The following NEK1 variants were observed in gnomAD, a reference collection of about 807,000 sequenced individuals.
The protein encoded by NEK1 is serine/threonine-protein kinase Nek1.
In NEK1, 137 loss-of-function variants were observed where a neutral mutation model predicts 182.1. The ratio of observed to expected loss-of-function variants is 0.75; its 90% CI spans 0.65 to 0.87. The LOEUF (loss-of-function observed/expected upper bound fraction) is 0.87. NEK1 is among the 40% of genes least tolerant of loss of function. The pLI is 0.00. For missense variants in NEK1, 1,391 were observed against 1,494.4 expected, an observed-to-expected ratio of 0.93 and a Z score of 1.14; for synonymous variants, 513 against 492.2, an observed-to-expected ratio of 1.04 and a Z score of -0.56.
intron 27 of NEK1, among the ~76,000 whole-genome samples, chr4:169,454,856 G>A (rs1480844699): frequency 6.6e-6 from 1 of 152,128 alleles, no homozygotes; most frequent in African/African-American, 2.4e-5. Flanking sequence ...TATAAATCAT[G>A]CTCCTTTAAG....
chr4:169,546,038 C>A (rs1760375583), intron 18 of NEK1, among the ~76,000 whole-genome samples: 1 of 152,006 alleles, frequency 6.6e-6, no homozygotes, highest in South Asian at 2.1e-4. Context: ...ATCAAGCTAC[C>A]AATGACTTTC....
Position 169,456,078 on chromosome 4 carries a change from A to G in NEK1, c.2587+7165T>C, listed in dbSNP as rs921148488. On this transcript the variant is annotated intron_variant, in intron 27 of 35. Transcript: ENST00000507142. ...CAAGAGGAATTTTTGGAAACTATAC[A>G]AACACATGGAAATTAAACAATATGC... is the stretch of plus-strand genomic sequence containing the variant. 2.6e-5 allele frequency among the ~76,000 whole-genome samples: 4 copies of G among 152,306 alleles called. No individual in the cohort carries two copies. The East Asian group carries it at 7.7e-4, about 29-fold the overall frequency.
chr4:169,600,254 A>G (rs1161543023), intron 4 of NEK1, among the ~76,000 whole-genome samples: 1 of 151,976 alleles, frequency 6.6e-6, no homozygotes, highest in Admixed American at 6.6e-5. Flanking sequence ...CAATGGCACG[A>G]TGATGGCTCA....
chr4:169,545,228 A>G (rs1408445454), intron 18 of NEK1, among the ~76,000 whole-genome samples: 83 of 105,112 alleles, frequency 7.9e-4, no homozygotes, highest in Non-Finnish European at 1.2e-3. Context: ...CACAGTCCCC[A>G]GAGTGTGGTA....
intron 19 of NEK1, among the ~76,000 whole-genome samples, chr4:169,514,427 T>A (rs139282389): frequency 6.6e-6 from 1 of 152,194 alleles, no homozygotes; most frequent in Admixed American, 6.5e-5. Context: ...TGGGAACAGA[T>A]TGTAGTGTTG....
In NEK1 at chr4:169,435,844, G is replaced by A. The variant is rs577721972; in HGVS notation, c.2765-2179C>T. Among the ~76,000 whole-genome samples the A allele has an allele frequency of 2.0e-5, 3 of 152,214 alleles. No individual in the cohort carries two copies. The South Asian group carries it at 6.2e-4, about 32-fold the overall frequency. On this transcript the variant is annotated intron_variant, in intron 28 of 35. Transcript: ENST00000507142. ...ATACCACTGAGCAATACCAGTTGAT[G>A]CTACATGGAGCAGAAGAACCTCCAA...
At position 169,433,553 on chromosome 4, in the gene NEK1, C is replaced by T; in HGVS notation, c.2877G>A (p.Lys959=). The T allele has an allele frequency of 6.2e-7, 1 of 1,607,730 alleles. No homozygotes were observed. Among genetic ancestry groups the T allele is most frequent in the Non-Finnish European group, 8.5e-7 (1 of 1,178,014 alleles). The change falls in exon 29 of 36, where the codon AAG becomes AAA. Residue 959 remains lysine, a synonymous_variant. Coordinates refer to ENST00000507142, the MANE Select transcript of NEK1 (RefSeq NM_001199397.3). ...GGAAAAGATGTACATACTGAGTTTCCTTTGTTTCTTTTTCCTCACTAATCC... is the reference window on the plus strand; with the variant it reads ...GGAAAAGATGTACATACTGAGTTTCTTTTGTTTCTTTTTCCTCACTAATCC... ...DVWISEEKET[K]ETQSADRITI...
intron 29 of NEK1, among the ~76,000 whole-genome samples, chr4:169,430,395 C>G (rs1487645297): frequency 1.3e-5 from 2 of 152,114 alleles, no homozygotes; most frequent in Non-Finnish European, 2.9e-5. Context: ...ATGTTGGCCA[C>G]ACTGGTCTCG....
chr4:169,562,402 A>G (rs1763053877), intron 12 of NEK1, among the ~76,000 whole-genome samples: 1 of 152,106 alleles, frequency 6.6e-6, no homozygotes, highest in South Asian at 2.1e-4. Flanking sequence ...GAAACTGTGG[A>G]AAAGGGTCCT....
chr4:169,400,144 T>C (rs1199359764), intron 35 of NEK1, 81 bp downstream of exon 35: 7 of 1,307,900 alleles, frequency 5.4e-6, no homozygotes, highest in African/African-American at 4.4e-5. Context: ...ATGGATGTGA[T>C]GTAAGCTGAT....
At chr4:169,426,290 A>G in intron 29 of NEK1, 56 bp from the exon 30 acceptor site, 1 of 1,402,240 alleles carries the variant, frequency 7.1e-7, no homozygotes, top group Non-Finnish European at 1.0e-6. Flanking sequence ...ACCAGAAATA[A>G]AAGTGCTCTA....
intron 28 of NEK1, among the ~76,000 whole-genome samples, chr4:169,436,386 G>C (rs991820140): frequency 6.6e-5 from 10 of 152,144 alleles, no homozygotes; most frequent in Admixed American, 6.5e-4. Flanking sequence ...TGAGAGACTG[G>C]CAAGTGAAAA....
chr4:169,523,463 G>A (rs1405393450), intron 19 of NEK1, among the ~76,000 whole-genome samples: 2 of 152,204 alleles, frequency 1.3e-5, no homozygotes, highest in East Asian at 1.9e-4. Context: ...AGATCAGGAT[G>A]CTGATAATAT....
rs1461849431 is a variant in NEK1, at chr4:169,507,728, A to AT, written c.1897dup (p.Ile633AsnfsTer28). The AT allele has an allele frequency of 6.2e-7, 1 of 1,611,822 alleles. No individual in the cohort carries two copies. On this transcript the variant is annotated frameshift_variant, in exon 22 of 36. Coordinates refer to ENST00000507142, the MANE Select transcript of NEK1 (RefSeq NM_001199397.3). LOFTEE classifies it high-confidence loss of function. Reference sequence around the variant, plus strand: ...TCTAGTCTATACCTTCAGTGATTCGATTTTTTTGCGCCTCATGTCAGCCTC... The same window carrying AT: ...TCTAGTCTATACCTTCAGTGATTCGATTTTTTTTGCGCCTCATGTCAGCCTC...
intron 2 of NEK1, among the ~76,000 whole-genome samples, chr4:169,610,227 C>T (rs1772090508): frequency 6.6e-6 from 1 of 152,126 alleles, no homozygotes; most frequent in South Asian, 2.1e-4. Flanking sequence ...GTCTCGAACT[C>T]CTGACCTCAA....
intron 10 of NEK1, among the ~76,000 whole-genome samples, chr4:169,583,472 A>G (rs1347639190): frequency 6.6e-6 from 1 of 152,248 alleles, no homozygotes; most frequent in East Asian, 1.9e-4. Context: ...GGGTCTATGT[A>G]TATAATAAAC....
intron 27 of NEK1, among the ~76,000 whole-genome samples, chr4:169,457,317 G>A (rs1223973773): frequency 1.3e-5 from 2 of 152,104 alleles, no homozygotes; most frequent in East Asian, 3.9e-4. Context: ...AATACCTCAT[G>A]TACCCAATAA....
intron 26 of NEK1, among the ~76,000 whole-genome samples, chr4:169,473,302 T>C (rs191592370): frequency 2.1e-5 from 3 of 141,388 alleles, no homozygotes; most frequent in East Asian, 4.1e-4. Context: ...AGCTAAACAA[T>C]GGGTAAACAT....
chr4:169,481,891 T>C (rs1297400338), intron 23 of NEK1, among the ~76,000 whole-genome samples: 1 of 152,254 alleles, frequency 6.6e-6, no homozygotes, highest in African/African-American at 2.4e-5. Context: ...TTGACTTCTC[T>C]TTAGTTATGA....
Sources: gnomAD v4.1 joint callset for allele counts (sites outside exome capture counted in the v4.1 genomes callset) on GRCh38, gnomAD v4.1.1 for gene constraint, MANE v1.5 for transcripts, NCBI Gene and HGNC (gene_info 2026-07-23, HGNC 2026-07-21) for gene names.